Variants in TMEM209 observed in about 807,000 individuals in gnomAD.
TMEM209 encodes transmembrane protein 209.
In TMEM209, 65 loss-of-function variants were observed where a neutral mutation model predicts 76.2. The ratio of observed to expected loss-of-function variants is 0.85; its 90% CI spans 0.70 to 1.05. The LOEUF (loss-of-function observed/expected upper bound fraction) is 1.05. TMEM209 is among the 50% of genes least tolerant of loss of function. TMEM209 has a pLI of 0.00. For missense variants in TMEM209, 623 were observed against 685.5 expected (o/e 0.91, Z 1.02); for synonymous variants, 239 against 237.6 (o/e 1.01, Z -0.06).
At chr7:130,200,482 G>A (rs1285300935) in intron 5 of TMEM209, among the ~76,000 whole-genome samples, 1 of 152,020 alleles carries the variant, frequency 6.6e-6, no homozygotes, top group Non-Finnish European at 1.5e-5. Flanking sequence ...GGGCTATTTA[G>A]TATACATTAA....
At chr7:130,204,744 G>A (rs531917974) in intron 1 of TMEM209, among the ~76,000 whole-genome samples, 2 of 152,304 alleles carry the variant, frequency 1.3e-5, no homozygotes, top group East Asian at 3.9e-4. Flanking sequence ...TGTCTTTGGG[G>A]TATGTTACAC....
chr7:130,184,725 C>T (rs998636011), intron 7 of TMEM209, among the ~76,000 whole-genome samples: 1 of 152,046 alleles, frequency 6.6e-6, no homozygotes, highest in Non-Finnish European at 1.5e-5. Context: ...CTCCTGACCT[C>T]GTGATCCACC....
chr7:130,185,766 T>C (rs769081170), intron 6 of TMEM209, among the ~76,000 whole-genome samples: 14 of 152,212 alleles, frequency 9.2e-5, no homozygotes, highest in Admixed American at 2.0e-4. Context: ...AAGGGATAAC[T>C]ATAGCCTCCT....
At chr7:130,203,764 T>C in intron 3 of TMEM209, 24 bp downstream of exon 3, 1 of 1,575,690 alleles carries the variant, frequency 6.3e-7, no homozygotes, top group Non-Finnish European at 8.6e-7. Flanking sequence ...TAAATGTAAG[T>C]TACAGTGAAA....
At position 130,204,987 on chromosome 7, in the gene TMEM209, G is replaced by C. The variant is rs1798386774; in HGVS notation, c.3+386C>G. 7.8e-6 allele frequency: 9 copies of C among 1,149,120 alleles called. 1 individual carries two copies. In the South Asian group the frequency reaches 1.9e-4, roughly 25 times the overall value. The allele number at this position is 1,149,120 out of a possible 1,614,324, so 71.2% of individuals were successfully genotyped here. A position where few individuals can be genotyped will look rare whatever the true frequency, so the allele number is the denominator to read the frequency against. ...CGTACTTATGATGGGGTGGTGAGCG[G>C]AGTAAGAGGGAGAGAGGGGAAAACG... On this transcript the variant is annotated intron_variant, in intron 1 of 14. Transcript: ENST00000397622.
rs1319516679 is a variant in TMEM209 at position 130,185,259 on chromosome 7, C to T, written c.884G>A (p.Cys295Tyr). ...TLKKFQYQLA[C>Y]RSQAPCANKD... ...GTTAGCACATGGGGCCTGAGACCTACAGGCAAGCTGATACTGAAACTTCTT... is the reference window on the plus strand; with the variant it reads ...GTTAGCACATGGGGCCTGAGACCTATAGGCAAGCTGATACTGAAACTTCTT... Residue 295 changes from cysteine (C) to tyrosine (Y), a missense_variant, in exon 7 of 15, where the codon TGT becomes TAT. Coordinates refer to ENST00000397622, the MANE Select transcript of TMEM209 (RefSeq NM_032842.4). The T allele has an allele frequency of 1.9e-6, 3 of 1,613,884 alleles. No homozygotes were observed. Among genetic ancestry groups the T allele is most frequent in the East Asian group, 2.2e-5 (1 of 44,898 alleles).
At chr7:130,185,065 T>C in intron 7 of TMEM209, 127 bp downstream of exon 7, 1 of 1,123,342 alleles carries the variant, frequency 8.9e-7, no homozygotes, top group East Asian at 2.6e-5. Context: ...TCCCACTGCC[T>C]AATGTGTGCC....
At chr7:130,202,183 G>T in intron 4 of TMEM209, 92 bp from the exon 5 acceptor site, 1 of 1,448,128 alleles carries the variant, frequency 6.9e-7, no homozygotes, top group Non-Finnish European at 9.2e-7. Context: ...TCTCTTAAGG[G>T]AAAAAAGTTA....
At chr7:130,192,411 G>A (rs1360046398) in intron 6 of TMEM209, 65 of 530,914 alleles carry the variant, frequency 1.2e-4, no homozygotes, top group Non-Finnish European at 3.0e-5. Context: ...CAATCTTATT[G>A]TAGGTTTGAG....
At chr7:130,195,631 GA>G (rs36103171) in intron 5 of TMEM209, among the ~76,000 whole-genome samples, 66,494 of 147,090 alleles carry the variant, frequency 0.45, 15,263 homozygotes, top group East Asian at 0.6. Flanking sequence ...AAGTTATTTG[GA>G]AAAAAAAAAA....
intron 13 of TMEM209, among the ~76,000 whole-genome samples, chr7:130,170,830 ATTT>A (rs1283185907): frequency 7.0e-6 from 1 of 142,388 alleles, no homozygotes. Context: ...TGAGGGAAAG[ATTT>A]TTTTTTTTTT....
At chr7:130,174,095 A>G (rs888007106) in intron 11 of TMEM209, among the ~76,000 whole-genome samples, 156 bp from the exon 12 acceptor site, 2 of 152,204 alleles carry the variant, frequency 1.3e-5, no homozygotes, top group Non-Finnish European at 2.9e-5. Flanking sequence ...TTAGATTTAC[A>G]AGATAAAATC....
intron 6 of TMEM209, 45 bp downstream of exon 6, chr7:130,192,577 G>C (rs1797833234): frequency 6.5e-7 from 1 of 1,530,318 alleles, no homozygotes; most frequent in African/African-American, 1.4e-5. Flanking sequence ...GTTAAGGATT[G>C]ACACCAAAAA....
At position 130,192,806 on chromosome 7, in the gene TMEM209, G is replaced by C. The variant is rs1263756614; in HGVS notation, c.591C>G (p.Pro197=). ...TGGTAGGGTACGGAGAAGGAGGAGA[G>C]GGGCTAAAGCTCGCCAACTATACAA... is the stretch of plus-strand genomic sequence containing the variant. ...SGYNKLASFS[P]SPPSPYPTTV... is the part of the protein sequence containing the mutation. Residue 197 remains proline (P), a synonymous_variant, in exon 6 of 15, where the codon CCC becomes CCG. Coordinates refer to ENST00000397622, the MANE Select transcript of TMEM209 (RefSeq NM_032842.4). 2.5e-6 allele frequency: 4 copies of C among 1,613,808 alleles called. No homozygotes were observed. The highest frequency in any genetic ancestry group is 3.4e-6 in the Non-Finnish European group (4 of 1,179,862).
chr7:130,167,248 G>C (rs1191149600), intron 14 of TMEM209, among the ~76,000 whole-genome samples: 2 of 152,066 alleles, frequency 1.3e-5, no homozygotes, highest in Admixed American at 6.5e-5. Context: ...TGAACTTTTA[G>C]CCCTCTATGA....
intron 7 of TMEM209, 61 bp downstream of exon 7, chr7:130,185,131 T>G: frequency 2.0e-6 from 3 of 1,521,004 alleles, no homozygotes; most frequent in Non-Finnish European, 2.7e-6. Context: ...GTTCCAGAAG[T>G]AGAAGACTTT....
chr7:130,180,514 G>A (rs759483075), intron 9 of TMEM209, among the ~76,000 whole-genome samples: 1 of 151,836 alleles, frequency 6.6e-6, no homozygotes, highest in Non-Finnish European at 1.5e-5. Context: ...GATTATAGGC[G>A]CCTGCCACCA....
intron 5 of TMEM209, chr7:130,199,809 T>A (rs1798123956): frequency 6.6e-6 from 1 of 152,168 alleles, no homozygotes; most frequent in South Asian, 2.1e-4. Flanking sequence ...AAAAATGCAA[T>A]AGTATTTAAC....
At chr7:130,189,308 T>C (rs1360622620) in intron 6 of TMEM209, among the ~76,000 whole-genome samples, 2 of 152,152 alleles carry the variant, frequency 1.3e-5, no homozygotes, top group African/African-American at 4.8e-5. Flanking sequence ...GCGATTCTCC[T>C]GCCCCAGCCT....
Sources: gnomAD v4.1 joint callset for allele counts (sites outside exome capture counted in the v4.1 genomes callset) on GRCh38, gnomAD v4.1.1 for gene constraint, MANE v1.5 for transcripts, NCBI Gene and HGNC (gene_info 2026-07-23, HGNC 2026-07-21) for gene names.